Variants in CNIH3 observed in about 807,000 individuals in gnomAD.
CNIH3 encodes cornichon family AMPA receptor auxiliary protein 3.
A neutral mutation model predicts 24.1 loss-of-function variants in CNIH3; 14 were observed. The ratio of observed to expected loss-of-function variants is 0.58; its 90% CI spans 0.38 to 0.91. CNIH3 has a LOEUF of 0.91. Ranked by LOEUF, CNIH3 falls within the 40% of genes least tolerant of loss-of-function variation. The pLI, the probability that CNIH3 is intolerant of heterozygous loss-of-function variation, is 0.00. For synonymous variants in CNIH3, 68 were observed against 73.8 expected (o/e 0.92, Z 0.40); for missense variants, 178 against 196.8 (o/e 0.90, Z 0.57).
chr1:224,715,685 C>T (rs1056954440), intron 3 of CNIH3, among the ~76,000 whole-genome samples: 7 of 152,156 alleles, frequency 4.6e-5, no homozygotes, highest in East Asian at 3.9e-4. Context: ...AGAGATCACA[C>T]GGCGGGAGAG....
chr1:224,456,362 A>G (rs982404582), intron 1 of CNIH3, among the ~76,000 whole-genome samples: 1 of 152,200 alleles, frequency 6.6e-6, no homozygotes, highest in Non-Finnish European at 1.5e-5. Context: ...TCCAGGGAGC[A>G]GCCTAGACAA....
intron 3 of CNIH3, among the ~76,000 whole-genome samples, chr1:224,708,419 C>A (rs1330762159): frequency 3.3e-5 from 5 of 152,164 alleles, no homozygotes; most frequent in Non-Finnish European, 7.4e-5. Context: ...GTTGCATTGG[C>A]CTTAGTAACC....
chr1:224,658,118 C>T (rs934749244), intron 1 of CNIH3, among the ~76,000 whole-genome samples: 1 of 151,798 alleles, frequency 6.6e-6, no homozygotes, highest in African/African-American at 2.4e-5. Flanking sequence ...TTCAAGGGAC[C>T]CTAATAGCTA....
chr1:224,457,031 C>T (rs547900607), intron 1 of CNIH3, among the ~76,000 whole-genome samples: 134 of 152,284 alleles, frequency 8.8e-4, no homozygotes, highest in South Asian at 2.9e-3. Flanking sequence ...TGCCCCTGGA[C>T]GACAGCCTGG....
intron 1 of CNIH3, among the ~76,000 whole-genome samples, chr1:224,475,695 A>G (rs1676561816): frequency 6.6e-6 from 1 of 152,222 alleles, no homozygotes; most frequent in Non-Finnish European, 1.5e-5. Flanking sequence ...AATGATTCCA[A>G]AAAATAGAGG....
intron 3 of CNIH3, among the ~76,000 whole-genome samples, chr1:224,712,771 C>T (rs138507233): frequency 1.2e-4 from 18 of 152,292 alleles, no homozygotes; most frequent in South Asian, 4.1e-4. Flanking sequence ...TTTGGGAAGA[C>T]GCTCATCATT....
chr1:224,490,626 A>G (rs1472420396), intron 1 of CNIH3, among the ~76,000 whole-genome samples: 1 of 152,244 alleles, frequency 6.6e-6, no homozygotes, highest in Non-Finnish European at 1.5e-5. Flanking sequence ...ATACACCAAT[A>G]CATCCTTGTT....
intron 4 of CNIH3, among the ~76,000 whole-genome samples, chr1:224,577,006 G>T (rs990762159): frequency 6.6e-6 from 1 of 152,162 alleles, no homozygotes; most frequent in African/African-American, 2.4e-5. Flanking sequence ...TAATTGGCAA[G>T]CCACATGTAG....
intron 2 of CNIH3, among the ~76,000 whole-genome samples, chr1:224,546,242 C>G (rs1002840193): frequency 6.6e-5 from 10 of 152,166 alleles, no homozygotes; most frequent in Non-Finnish European, 1.3e-4. Flanking sequence ...AAGTTTTTCT[C>G]AAACGGAAAT....
At chr1:224,448,884 G>C (rs566436296) in intron 1 of CNIH3, among the ~76,000 whole-genome samples, 1 of 151,858 alleles carries the variant, frequency 6.6e-6, no homozygotes, top group Non-Finnish European at 1.5e-5. Context: ...CAGAGGCCTC[G>C]TGCCTGCCTG....
At chr1:224,474,835 G>T (rs2103002179) in intron 1 of CNIH3, among the ~76,000 whole-genome samples, 1 of 151,450 alleles carries the variant, frequency 6.6e-6, no homozygotes, top group East Asian at 2.0e-4. Flanking sequence ...AGACCATCCT[G>T]ACTAACACGG....
chr1:224,485,823 G>T (rs555193571), intron 1 of CNIH3, among the ~76,000 whole-genome samples: 1 of 152,224 alleles, frequency 6.6e-6, no homozygotes, highest in Non-Finnish European at 1.5e-5. Context: ...AAGAAAAATA[G>T]ACTGATACAA....
chr1:224,591,019 T>G (rs1162879333), downstream of CNIH3, among the ~76,000 whole-genome samples: 1 of 152,180 alleles, frequency 6.6e-6, no homozygotes, highest in African/African-American at 2.4e-5. Context: ...TCTAAGCTTC[T>G]CTTGAACTTG....
intron 1 of CNIH3, among the ~76,000 whole-genome samples, chr1:224,468,602 A>G (rs1307742595): frequency 2.0e-5 from 3 of 152,150 alleles, no homozygotes; most frequent in Non-Finnish European, 2.9e-5. Flanking sequence ...AATAGGGACA[A>G]TTTTATTTCT....
intron 1 of CNIH3, among the ~76,000 whole-genome samples, chr1:224,487,813 A>G (rs1677086109): frequency 6.6e-6 from 1 of 152,180 alleles, no homozygotes; most frequent in Non-Finnish European, 1.5e-5. Flanking sequence ...CGCCATAAGC[A>G]AGTTAGATCA....
chr1:224,631,875 A>T (rs1333750407), intron 1 of CNIH3, among the ~76,000 whole-genome samples: 1 of 152,194 alleles, frequency 6.6e-6, no homozygotes, highest in Non-Finnish European at 1.5e-5. Context: ...AAAAGAGTTG[A>T]TAGCAACATA....
chr1:224,605,833 A>T (rs1202120609), intron 3 of CNIH3, among the ~76,000 whole-genome samples: 1 of 151,954 alleles, frequency 6.6e-6, no homozygotes, highest in African/African-American at 2.4e-5. Flanking sequence ...ATCTTTGAAA[A>T]ACCCCTAATC....
intron 3 of CNIH3, among the ~76,000 whole-genome samples, chr1:224,558,250 A>G (rs554581015): frequency 6.6e-6 from 1 of 152,074 alleles, no homozygotes; most frequent in African/African-American, 2.4e-5. Flanking sequence ...TTCTATCTTC[A>G]AGGAGGCCAT....
In CNIH3 at chr1:224,642,409, C is replaced by T. The variant is rs77171807; in HGVS notation, c.81+25154C>T. On this transcript the variant is annotated intron_variant, in intron 1 of 5. Transcript: ENST00000272133. ...CATATCTAGCTAATTTTTTATTTTT[C>T]GTAAAGACAGGAATCTCCCTATGTT... Among the ~76,000 whole-genome samples the T allele has an allele frequency of 2.2e-3, 339 of 152,094 alleles. 4 individuals carry two copies. In the East Asian group the frequency reaches 0.028, roughly 13 times the overall value.
Sources: allele counts gnomAD v4.1 joint callset (sites outside exome capture counted in the v4.1 genomes callset), GRCh38; gene constraint gnomAD v4.1.1; transcripts MANE v1.5; gene names NCBI Gene and HGNC (gene_info 2026-07-23, HGNC 2026-07-21).